Variants in CCNF observed in about 807,000 individuals in gnomAD.
CCNF encodes cyclin F, also known as cyclin-F.
CCNF carries 30 observed loss-of-function variants against 85.4 expected under a neutral mutation model. The ratio of observed to expected loss-of-function variants is 0.35; its 90% CI spans 0.26 to 0.48. CCNF has a LOEUF of 0.48. CCNF is among the 20% of genes least tolerant of loss of function. The pLI, the probability that CCNF is intolerant of heterozygous loss-of-function variation, is 0.99. For synonymous variants in CCNF, 439 were observed against 425.1 expected, an observed-to-expected ratio of 1.03 and a Z score of -0.40; for missense variants, 919 against 1,010.4, an observed-to-expected ratio of 0.91 and a Z score of 1.23.
Position 2,449,856 on chromosome 16 carries a change from C to A in CCNF, c.1428C>A (p.Asp476Glu). The change falls in exon 13 of 17, where the codon GAC becomes GAA. Residue 476 changes from aspartate to glutamate, a missense_variant. Asp to Glu is a conservative substitution (Grantham distance 45). Coordinates refer to ENST00000397066, the MANE Select transcript of CCNF (RefSeq NM_001761.3). ...AGCCCTGGACCACTCAGCTGTGGGACCTCACCGGATTCTCCTATGAAGACC... is the reference window on the plus strand; with the variant it reads ...AGCCCTGGACCACTCAGCTGTGGGAACTCACCGGATTCTCCTATGAAGACC... The part of the protein sequence containing the change: ...QTQPWTTQLW[D>E]LTGFSYEDLI... 6.2e-7 allele frequency: 1 copy of A among 1,607,530 alleles called. No individual in the cohort carries two copies. The highest frequency in any genetic ancestry group is 8.5e-7 in the Non-Finnish European group (1 of 1,177,334).
Position 2,445,530 on chromosome 16 carries a change from C to G in CCNF, c.1002C>G (p.Thr334=). Residue 334 remains threonine (T), a synonymous_variant, in exon 10 of 17, where the codon ACC becomes ACG. Coordinates refer to ENST00000397066, the MANE Select transcript of CCNF (RefSeq NM_001761.3). ...TCACAAGCCTGTGCCTGCACCTGAC[C>G]GTGGAGTGTGTGGACCGGTACCTGC... ...KDFTSLCLHL[T]VECVDRYLRR... is the part of the protein sequence containing the mutation. The G allele has an allele frequency of 6.2e-7, 1 of 1,614,108 alleles. No individual in the cohort carries two copies. The highest frequency in any genetic ancestry group is 2.2e-5 in the East Asian group (1 of 44,880).
chr16:2,435,711 C>T, intron 3 of CCNF, 95 bp from the exon 4 acceptor site: 3 of 589,852 alleles, frequency 5.1e-6, no homozygotes, highest in Non-Finnish European at 9.3e-6. Flanking sequence ...ATATTCAATT[C>T]AGGGAACAAG....
intron 15 of CCNF, among the ~76,000 whole-genome samples, chr16:2,454,723 A>G (rs1039822676): frequency 2.6e-5 from 4 of 152,194 alleles, no homozygotes; most frequent in African/African-American, 9.7e-5. Flanking sequence ...ATTCCATGCA[A>G]TCTGCCTGGC....
chr16:2,453,353 TGTGGGCGGGCC>T lies in CCNF; in HGVS notation c.1587+45_1588-46del. ...CTGGGCGTCTCATGGGGTGCTGGGGTGTGGGCGGGCCTCACCCTCGGGGCCTCTGCACCCCC... is the reference window on the plus strand; with the variant it reads ...CTGGGCGTCTCATGGGGTGCTGGGGTTCACCCTCGGGGCCTCTGCACCCCC... On this transcript the variant is annotated intron_variant, in intron 14 of 16. Coordinates refer to ENST00000397066, the MANE Select transcript of CCNF (RefSeq NM_001761.3). The surrounding 1 kb of genome is among the most constrained non-coding windows in gnomAD (Gnocchi z 5.6). 6.2e-7 allele frequency: 1 copy of T among 1,613,508 alleles called. No homozygotes were observed. The highest frequency in any genetic ancestry group is 8.5e-7 in the Non-Finnish European group (1 of 1,179,860).
rs80106090 is a variant in CCNF at position 2,452,672 on chromosome 16, A to T, written c.1488-538A>T. ...TTCACTTTCCCCAAAGGGACAACAC[A>T]CCCCTCAGCTGTCACCCTCCCGTTC... On this transcript the variant is annotated intron_variant, in intron 13 of 16. Coordinates refer to ENST00000397066, the MANE Select transcript of CCNF (RefSeq NM_001761.3). The surrounding 1 kb of genome is among the most constrained non-coding windows in gnomAD (Gnocchi z 4.1). 0.025 allele frequency: 3,937 copies of T among 155,284 alleles called. 75 individuals carry two copies. The highest frequency in any genetic ancestry group is 0.036 in the Non-Finnish European group (2,525 of 69,992). 9.6% of individuals were successfully genotyped at this position (155,284 alleles called of 1,614,324 possible). A position where few individuals can be genotyped will look rare whatever the true frequency, so the allele number is the denominator to read the frequency against.
intron 3 of CCNF, 80 bp from the exon 4 acceptor site, chr16:2,435,726 C>T: frequency 2.4e-6 from 2 of 818,562 alleles, no homozygotes; most frequent in Admixed American, 2.0e-5. Flanking sequence ...AACAAGTATT[C>T]TGACTTCTTC....
At chr16:2,448,708 G>A (rs2065375174) in intron 10 of CCNF, 147 bp from the exon 11 acceptor site, 2 of 705,758 alleles carry the variant, frequency 2.8e-6, no homozygotes, top group African/African-American at 1.8e-5. Context: ...CAGGCAGCTG[G>A]CTCCATTATG....
At chr16:2,435,967 C>T (rs2065288953) in intron 4 of CCNF, 94 bp downstream of exon 4, 9 of 866,836 alleles carry the variant, frequency 1.0e-5, no homozygotes, top group Admixed American at 2.0e-5. Flanking sequence ...AGTTCAGTTG[C>T]TGTCCTTGCT....
chr16:2,438,262 G>A, intron 6 of CCNF, 139 bp downstream of exon 6: 2 of 731,976 alleles, frequency 2.7e-6, no homozygotes, highest in South Asian at 2.9e-5. Flanking sequence ...CCTAGCTGGA[G>A]AAGCCAGGGG....
At position 2,456,352 on chromosome 16, in the gene CCNF, T is replaced by C. The variant is rs2065427443; in HGVS notation, c.1886-193T>C. ...GGCCAACTTGTCATCTCCACATTTG[T>C]TGGAGTCATGGCGGGCAGCTGTCCA... is the stretch of plus-strand genomic sequence containing the variant. On this transcript the variant is annotated intron_variant, in intron 16 of 16. Coordinates refer to ENST00000397066, the MANE Select transcript of CCNF (RefSeq NM_001761.3). The surrounding 1 kb of genome is among the most constrained non-coding windows in gnomAD (Gnocchi z 4.5). The C allele has an allele frequency of 2.1e-6, 1 of 483,550 alleles. No individual in the cohort carries two copies. Among genetic ancestry groups the C allele is most frequent in the Non-Finnish European group, 3.6e-6 (1 of 276,308 alleles). 30.0% of individuals were successfully genotyped at this position (483,550 alleles called of 1,614,324 possible).
intron 5 of CCNF, 98 bp from the exon 6 acceptor site, chr16:2,437,972 A>G (rs546285145): frequency 7.5e-6 from 6 of 795,820 alleles, no homozygotes; most frequent in African/African-American, 3.4e-5. Flanking sequence ...GCCAGACAGC[A>G]GGGCCATGGG....
Position 2,456,760 on chromosome 16 carries a change from G to C in CCNF, c.2101G>C (p.Gly701Arg), listed in dbSNP as rs1398482659. The C allele has an allele frequency of 6.2e-7, 1 of 1,613,030 alleles. No homozygotes were observed. Among genetic ancestry groups the C allele is most frequent in the Non-Finnish European group, 8.5e-7 (1 of 1,179,466 alleles). The stretch of plus-strand genomic sequence containing the variant: ...GCCAGGGAAGGACGTCACGACCTCA[G>C]GGTACTCCTCCGTCAGCACCGCAAG... ...REPGKDVTTS[G>R]YSSVSTASPT... The change falls in exon 17 of 17, where the codon GGG becomes CGG. Residue 701 changes from glycine (G) to arginine (R), a missense_variant. Physicochemically the swap from Gly to Arg is moderately radical, Grantham distance 125. This residue lies in a region of CCNF where 505 missense variants were observed against 514.8 expected (regional missense o/e 0.98). Coordinates refer to ENST00000397066, the MANE Select transcript of CCNF (RefSeq NM_001761.3). The surrounding 1 kb of genome is among the most constrained non-coding windows in gnomAD (Gnocchi z 4.5).
Position 2,431,255 on chromosome 16 carries a change from T to G in CCNF, c.142T>G (p.Ser48Ala), listed in dbSNP as rs771132756. 6.2e-7 allele frequency: 1 copy of G among 1,614,166 alleles called. No individual in the cohort carries two copies. Among genetic ancestry groups the G allele is most frequent in the South Asian group, 1.1e-5 (1 of 91,082 alleles). ...DVLFHILKWL[S>A]VEDILAVRAV... is the part of the protein sequence containing the mutation. The stretch of plus-strand genomic sequence containing the variant: ...GCTCTTTCACATCCTGAAATGGCTT[T>G]CTGTAGAGGACATCCTGGCCGTCCG... Residue 48 changes from serine (S) to alanine (A), a missense_variant, in exon 2 of 17, where the codon TCT becomes GCT. By Grantham distance (99) the Ser-to-Ala change is moderately conservative. This residue lies in a region of CCNF where 410 missense variants were observed against 478.6 expected (regional missense o/e 0.86). Transcript: ENST00000397066.
At chr16:2,437,565 G>A (rs2065298246) in intron 5 of CCNF, 4 of 463,556 alleles carry the variant, frequency 8.6e-6, no homozygotes, top group African/African-American at 5.9e-5. Flanking sequence ...GAAACATGGG[G>A]CTGAGGCTGC....
intron 2 of CCNF, among the ~76,000 whole-genome samples, chr16:2,431,789 C>G (rs1488080865): frequency 6.6e-6 from 1 of 151,616 alleles, no homozygotes; most frequent in Non-Finnish European, 1.5e-5. Context: ...TGTCTCCTAG[C>G]ACACTAAAAT....
At chr16:2,433,275 T>C (rs2065271727) in intron 3 of CCNF, among the ~76,000 whole-genome samples, 1 of 152,122 alleles carries the variant, frequency 6.6e-6, no homozygotes, top group Non-Finnish European at 1.5e-5. Flanking sequence ...ATGCAGTCAG[T>C]CATCCCTCAC....
In CCNF at chr16:2,457,067, A is replaced by T. The variant is rs1321084303; in HGVS notation, c.*47A>T. ...AGTGGATGTGTACTGAGGGGGCTGG[A>T]GGCGAAGGGTGGGAGCATAGCATAG... On this transcript the variant is annotated 3_prime_UTR_variant, in exon 17 of 17. Coordinates refer to ENST00000397066, the MANE Select transcript of CCNF (RefSeq NM_001761.3). The T allele has an allele frequency of 1.4e-6, 2 of 1,398,572 alleles. No individual in the cohort carries two copies. Among genetic ancestry groups the T allele is most frequent in the East Asian group, 4.8e-5 (2 of 41,818 alleles). The allele number at this position is 1,398,572 out of a possible 1,614,324, so 86.6% of individuals were successfully genotyped here.
intron 11 of CCNF, 130 bp downstream of exon 11, chr16:2,449,108 A>G (rs537834175): frequency 2.0e-6 from 3 of 1,482,402 alleles, no homozygotes; most frequent in Admixed American, 3.4e-5. Flanking sequence ...GCTGTGCCCA[A>G]AGCCATGGAG....
intron 10 of CCNF, among the ~76,000 whole-genome samples, chr16:2,447,300 G>A (rs554646680): frequency 2.0e-5 from 3 of 149,040 alleles, no homozygotes; most frequent in South Asian, 4.2e-4. Flanking sequence ...TTTTAAATCC[G>A]GGGACCAGGC....
Sources: allele counts gnomAD v4.1 joint callset (sites outside exome capture counted in the v4.1 genomes callset), GRCh38; gene constraint gnomAD v4.1.1; regional missense constraint gnomAD v4.1.1; non-coding constraint Gnocchi (gnomAD v3.1); transcripts MANE v1.5; gene names NCBI Gene and HGNC (gene_info 2026-07-23, HGNC 2026-07-21).